Variants in OSBPL10 observed in about 807,000 individuals in gnomAD.
OSBPL10 encodes the protein oxysterol-binding protein-related protein 10.
In OSBPL10, 49 loss-of-function variants were observed where a neutral mutation model predicts 81.7. The ratio of observed to expected loss-of-function variants is 0.60; its 90% CI spans 0.48 to 0.76. The LOEUF is 0.76. OSBPL10 is among the 30% of genes least tolerant of loss of function. OSBPL10 has a pLI of 0.00. For synonymous variants in OSBPL10, 419 were observed against 383.6 expected, an observed-to-expected ratio of 1.09 and a Z score of -1.08; for missense variants, 923 against 987.8, an observed-to-expected ratio of 0.93 and a Z score of 0.88.
At chr3:31,848,819 T>A (rs1359078370) in intron 3 of OSBPL10, among the ~76,000 whole-genome samples, 1 of 152,260 alleles carries the variant, frequency 6.6e-6, no homozygotes. Context: ...CTTGTTTCTC[T>A]TCTTTATTTA....
chr3:31,666,763 T>C (rs538384120), intron 10 of OSBPL10, among the ~76,000 whole-genome samples: 2 of 152,314 alleles, frequency 1.3e-5, no homozygotes, highest in Admixed American at 6.5e-5. Context: ...TAATTAGGCA[T>C]AGTAAGAGAT....
At chr3:31,842,279 T>A (rs7611111) in intron 3 of OSBPL10, among the ~76,000 whole-genome samples, 1 of 152,072 alleles carries the variant, frequency 6.6e-6, no homozygotes, top group Non-Finnish European at 1.5e-5. Context: ...GGACTTCTCT[T>A]GAAGTATCTC....
At chr3:31,689,922 G>A (rs1215017577) in intron 7 of OSBPL10, among the ~76,000 whole-genome samples, 2 of 152,082 alleles carry the variant, frequency 1.3e-5, no homozygotes, top group Admixed American at 6.6e-5. Flanking sequence ...GTATGTGTAC[G>A]GAAAAAGTTC....
chr3:32,043,518 G>A (rs9825616), intron 2 of OSBPL10, among the ~76,000 whole-genome samples: 8,379 of 152,230 alleles, frequency 0.055, 474 homozygotes, highest in African/African-American at 0.14. Flanking sequence ...TAAGACAGGC[G>A]TAAGAAATTA....
intron 1 of OSBPL10, among the ~76,000 whole-genome samples, chr3:32,056,887 T>G (rs1186665038): frequency 1.9e-4 from 29 of 152,138 alleles, no homozygotes; most frequent in Admixed American, 1.9e-3. Flanking sequence ...AAGACACAGG[T>G]CATAAAGACC....
intron 4 of OSBPL10, among the ~76,000 whole-genome samples, chr3:31,792,981 G>T (rs1340461447): frequency 6.6e-6 from 1 of 151,680 alleles, no homozygotes; most frequent in Non-Finnish European, 1.5e-5. Context: ...CCCTGAGGAT[G>T]CACATCATTT....
rs79099039 is a variant in OSBPL10, at chr3:31,935,029, A to G, written c.281+45870T>C. Among the ~76,000 whole-genome samples the G allele has an allele frequency of 2.0e-4, 30 of 152,298 alleles. No homozygotes were observed. The East Asian group carries it at 5.8e-3, about 29-fold the overall frequency. On this transcript the variant is annotated intron_variant, in intron 1 of 11. Transcript: ENST00000396556. The stretch of plus-strand genomic sequence containing the variant: ...ACTCTTAGCGCTTGGCCTTCCTGGG[A>G]CAAGATTGCTACATCCCCTTCATAC...
At chr3:31,835,006 T>A (rs1700331076) in intron 3 of OSBPL10, among the ~76,000 whole-genome samples, 1 of 152,206 alleles carries the variant, frequency 6.6e-6, no homozygotes, top group African/African-American at 2.4e-5. Context: ...AAGTATGCAA[T>A]GAATACTATC....
chr3:31,741,404 A>G (rs1256250266), intron 5 of OSBPL10, among the ~76,000 whole-genome samples: 2 of 152,222 alleles, frequency 1.3e-5, no homozygotes, highest in African/African-American at 4.8e-5. Context: ...AGCTGGGACT[A>G]CAGGCGCATG....
chr3:31,946,859 AGAG>A (rs146179674), intron 1 of OSBPL10, among the ~76,000 whole-genome samples: 25,500 of 152,088 alleles, frequency 0.17, 2,555 homozygotes, highest in South Asian at 0.27. Context: ...GCCTAGAAGA[AGAG>A]GAGCTTGGGC....
Position 32,060,968 on chromosome 3 carries a change from C to T in OSBPL10, n.186-14365G>A, listed in dbSNP as rs1347753918. Among the ~76,000 whole-genome samples, 7 of 41,928 alleles carry T rather than the reference C, an allele frequency of 1.7e-4. 3 individuals carry two copies. Among genetic ancestry groups the T allele is most frequent in the African/African-American group, 3.0e-4 (7 of 23,244 alleles). The allele number at this position is 41,928 out of a possible 152,430, so 27.5% of individuals were successfully genotyped here. On this transcript the variant is annotated intron_variant and non_coding_transcript_variant, in intron 1 of 3. Coordinates refer to the OSBPL10 transcript ENST00000479173. The stretch of plus-strand genomic sequence containing the variant: ...AGCCTGGGCAACAAGAGCAAAACTC[C>T]GCCTCAAAAAAAAAAAAAAAACCCT...
chr3:31,851,941 T>C (rs2125577905), intron 3 of OSBPL10, among the ~76,000 whole-genome samples: 1 of 152,302 alleles, frequency 6.6e-6, no homozygotes, highest in African/African-American at 2.4e-5. Context: ...GTCTTGCATC[T>C]GGCAAAGAGA....
At chr3:31,923,707 A>C (rs1314022726) in intron 1 of OSBPL10, among the ~76,000 whole-genome samples, 1 of 152,096 alleles carries the variant, frequency 6.6e-6, no homozygotes, top group East Asian at 1.9e-4. Context: ...GGATCACTTG[A>C]GCCCAGGAGG....
At chr3:31,671,029 A>G (rs775873771) in intron 8 of OSBPL10, 46 bp from the exon 9 acceptor site, 2 of 1,512,804 alleles carry the variant, frequency 1.3e-6, no homozygotes, top group Non-Finnish European at 1.8e-6. Flanking sequence ...ACATGTGAAG[A>G]GGGCACTGGG....
intron 1 of OSBPL10, among the ~76,000 whole-genome samples, chr3:31,913,175 T>C (rs762114395): frequency 1.5e-4 from 23 of 152,088 alleles, no homozygotes; most frequent in Non-Finnish European, 2.5e-4. Context: ...CTGGAGACCC[T>C]GTAGGCTTTT....
chr3:31,949,289 T>C (rs759218153), intron 1 of OSBPL10, among the ~76,000 whole-genome samples: 3 of 152,210 alleles, frequency 2.0e-5, no homozygotes, highest in Admixed American at 6.5e-5. Flanking sequence ...GTACCTTCCA[T>C]GTGCCTAAAA....
Position 31,898,841 on chromosome 3 carries a change from C to T in OSBPL10, c.282-19011G>A, listed in dbSNP as rs891783150. Among the ~76,000 whole-genome samples the T allele has an allele frequency of 2.0e-5, 3 of 149,184 alleles. No homozygotes were observed. The Admixed American group carries it at 2.0e-4, about 10-fold the overall frequency. ...TACATAAAATAATAAAGATGTTTAA[C>T]TTATGGATTCTTTTTAAGGACAGAA... On this transcript the variant is annotated intron_variant, in intron 1 of 11. Coordinates refer to ENST00000396556, the MANE Select transcript of OSBPL10 (RefSeq NM_017784.5).
chr3:31,759,026 G>T (rs6773718), intron 4 of OSBPL10, among the ~76,000 whole-genome samples: 2 of 152,006 alleles, frequency 1.3e-5, no homozygotes, highest in African/African-American at 4.8e-5. Context: ...TATGAAGAGT[G>T]AAGAAAAAAA....
At chr3:31,882,681 ACACACG>A (rs1312052851) in intron 1 of OSBPL10, among the ~76,000 whole-genome samples, 1 of 152,210 alleles carries the variant, frequency 6.6e-6, no homozygotes, top group Non-Finnish European at 1.5e-5. Context: ...ACACACACAC[ACACACG>A]CACTGGAATG....
Sources: gnomAD v4.1 joint callset for allele counts (sites outside exome capture counted in the v4.1 genomes callset) on GRCh38, gnomAD v4.1.1 for gene constraint, MANE v1.5 for transcripts, NCBI Gene and HGNC (gene_info 2026-07-23, HGNC 2026-07-21) for gene names.